The following KMT5B variants were observed in gnomAD, a reference collection of about 807,000 sequenced individuals.
The protein encoded by KMT5B is histone-lysine N-methyltransferase KMT5B.
A neutral mutation model predicts 83.2 loss-of-function variants in KMT5B; 10 were observed. The ratio of observed to expected loss-of-function variants is 0.12; its 90% CI spans 0.07 to 0.20. KMT5B has a LOEUF of 0.20. KMT5B is among the 10% of genes least tolerant of loss of function. The pLI, the probability that KMT5B is intolerant of heterozygous loss-of-function variation, is 1.00. For missense variants in KMT5B, 753 were observed against 1,067.2 expected (o/e 0.71, Z 4.10); for synonymous variants, 349 against 388.8 (o/e 0.90, Z 1.20).
intron 10 of KMT5B, among the ~76,000 whole-genome samples, chr11:68,164,962 T>C (rs1416741842): frequency 6.6e-6 from 1 of 152,256 alleles, no homozygotes; most frequent in Admixed American, 6.5e-5. Context: ...TGTTAATATA[T>C]ATTCCCAAAT....
intron 9 of KMT5B, among the ~76,000 whole-genome samples, chr11:68,167,670 C>T (rs552247915): frequency 6.6e-6 from 1 of 152,212 alleles, no homozygotes; most frequent in Admixed American, 6.5e-5. Context: ...GTTGCCCAGG[C>T]TGGTCTCCAA....
chr11:68,175,914 G>GTTTTT (rs397848049), intron 4 of KMT5B, among the ~76,000 whole-genome samples: 1 of 126,364 alleles, frequency 7.9e-6, no homozygotes, highest in South Asian at 2.6e-4. Flanking sequence ...GGGTAGAGTT[G>GTTTTT]TTTTTTTTTT....
At chr11:68,168,780 C>G (rs1855563409) in intron 9 of KMT5B, among the ~76,000 whole-genome samples, 1 of 152,200 alleles carries the variant, frequency 6.6e-6, no homozygotes, top group South Asian at 2.1e-4. Flanking sequence ...ACACGTGATT[C>G]CGTCCATTCT....
At chr11:68,180,322 A>C in intron 3 of KMT5B, 122 bp from the exon 4 acceptor site, 1 of 1,322,992 alleles carries the variant, frequency 7.6e-7, no homozygotes, top group Non-Finnish European at 1.0e-6. Flanking sequence ...TGTGATAATC[A>C]AGAACTTTAA....
At chr11:68,165,314 G>C (rs1855216499) in intron 10 of KMT5B, among the ~76,000 whole-genome samples, 2 of 152,146 alleles carry the variant, frequency 1.3e-5, no homozygotes, top group African/African-American at 4.8e-5. Flanking sequence ...GACCATCCTG[G>C]ACAACATGGT....
intron 3 of KMT5B, among the ~76,000 whole-genome samples, chr11:68,184,689 C>G (rs1329703844): frequency 6.6e-6 from 1 of 152,206 alleles, no homozygotes; most frequent in Admixed American, 6.5e-5. Flanking sequence ...AGAACTAGCT[C>G]TATCTTCTAA....
intron 4 of KMT5B, among the ~76,000 whole-genome samples, chr11:68,177,379 G>A (rs1325178460): frequency 6.6e-6 from 1 of 152,156 alleles, no homozygotes; most frequent in Non-Finnish European, 1.5e-5. Context: ...GGAAGTCTAA[G>A]CAGAAGATCT....
intron 1 of KMT5B, among the ~76,000 whole-genome samples, chr11:68,197,540 A>G (rs1294962527): frequency 6.6e-6 from 1 of 152,210 alleles, no homozygotes; most frequent in African/African-American, 2.4e-5. Context: ...TCACCAACAA[A>G]TCACTTTAGT....
chr11:68,209,082 T>C (rs2153091850), intron 1 of KMT5B, among the ~76,000 whole-genome samples: 1 of 152,276 alleles, frequency 6.6e-6, no homozygotes, highest in African/African-American at 2.4e-5. Flanking sequence ...CTTCCTAAAA[T>C]CAGATTGGTT....
At chr11:68,165,918 G>A in intron 10 of KMT5B, 4 of 1,612,880 alleles carry the variant, frequency 2.5e-6, no homozygotes, top group Non-Finnish European at 3.4e-6. Context: ...TCACCATCAT[G>A]GGAAACACCT....
At chr11:68,195,164 G>GA (rs1858558653) in intron 1 of KMT5B, among the ~76,000 whole-genome samples, 2 of 151,596 alleles carry the variant, frequency 1.3e-5, no homozygotes, top group South Asian at 2.1e-4. Flanking sequence ...GTGACAGAGT[G>GA]AAAAAAAAGA....
chr11:68,173,604 T>C (rs1856054525), intron 6 of KMT5B, among the ~76,000 whole-genome samples, 200 bp downstream of exon 6: 1 of 152,148 alleles, frequency 6.6e-6, no homozygotes, highest in South Asian at 2.1e-4. Flanking sequence ...CAATTTGGCC[T>C]AGAGATGGGA....
intron 1 of KMT5B, among the ~76,000 whole-genome samples, chr11:68,208,870 A>G (rs1253769741): frequency 1.3e-5 from 2 of 152,084 alleles, no homozygotes; most frequent in African/African-American, 2.4e-5. Context: ...AACAAAAAAT[A>G]CCTTTTTTGG....
In KMT5B at chr11:68,171,643, G is replaced by A. The variant is rs759565053; in HGVS notation, c.720C>T (p.Asn240=). ...CIAELSEIEE[N]MLLRHGENDF... The stretch of plus-strand genomic sequence containing the variant: ...CGTTTTCTCCATGTCTAAGTAGCAT[G>A]TTCTCCTCAATTTCTGAAAGTTCGG... Residue 240 remains asparagine (N), a synonymous_variant, in exon 7 of 11, where the codon AAC becomes AAT. Coordinates refer to ENST00000304363, the MANE Select transcript of KMT5B (RefSeq NM_017635.5). The surrounding 1 kb of genome is among the most constrained non-coding windows in gnomAD (Gnocchi z 5.1). The A allele has an allele frequency of 2.5e-6, 4 of 1,613,874 alleles. No individual in the cohort carries two copies. The highest frequency in any genetic ancestry group is 3.4e-6 in the Non-Finnish European group (4 of 1,179,826).
At chr11:68,177,497 T>C (rs1454423645) in intron 4 of KMT5B, among the ~76,000 whole-genome samples, 1 of 152,132 alleles carries the variant, frequency 6.6e-6, no homozygotes, top group South Asian at 2.1e-4. Flanking sequence ...ACAGGTATAA[T>C]ACTGTTTACT....
At chr11:68,203,485 T>C (rs191644586) in intron 1 of KMT5B, among the ~76,000 whole-genome samples, 9 of 152,304 alleles carry the variant, frequency 5.9e-5, no homozygotes, top group Admixed American at 3.9e-4. Flanking sequence ...GCAATCAATA[T>C]TGCAATAACT....
chr11:68,176,664 A>C (rs1856416895), intron 4 of KMT5B: 1 of 152,150 alleles, frequency 6.6e-6, no homozygotes, highest in Non-Finnish European at 1.5e-5. Flanking sequence ...ACACGCCTGT[A>C]GTCCTAGGTA....
chr11:68,189,690 C>A, intron 2 of KMT5B: 1 of 369,398 alleles, frequency 2.7e-6, no homozygotes, highest in Non-Finnish European at 4.8e-6. Context: ...AAGTAACAGA[C>A]AGAAAAGCAT....
At position 68,157,739 on chromosome 11, in the gene KMT5B, A is replaced by G; in HGVS notation, c.2607T>C (p.Ile869=). The G allele has an allele frequency of 1.9e-6, 3 of 1,608,218 alleles. No homozygotes were observed. The highest frequency in any genetic ancestry group is 2.5e-6 in the Non-Finnish European group (3 of 1,177,588). The change falls in exon 11 of 11, where the codon ATT becomes ATC. Residue 869 remains isoleucine, a synonymous_variant. Transcript: ENST00000304363. ...RLIVGKDSID[I]DISSRRREDQ... is the part of the protein sequence containing the mutation. ...CTTCTCTTCTCCTTGAAGAAATGTC[A>G]ATATCTATAGAGTCTTTTCCAACTA...
Sources: allele counts gnomAD v4.1 joint callset (sites outside exome capture counted in the v4.1 genomes callset), GRCh38; gene constraint gnomAD v4.1.1; non-coding constraint Gnocchi (gnomAD v3.1); transcripts MANE v1.5; gene names NCBI Gene and HGNC (gene_info 2026-07-23, HGNC 2026-07-21).